FER1L6: variants seen among roughly 807,000 people sequenced by gnomAD.
FER1L6 encodes fer-1 like family member 6.
A neutral mutation model predicts 219.2 loss-of-function variants in FER1L6; 177 were observed. The ratio of observed to expected loss-of-function variants is 0.81; its 90% CI spans 0.71 to 0.91. FER1L6 has a LOEUF of 0.91. Ranked by LOEUF, FER1L6 falls within the 40% of genes least tolerant of loss-of-function variation. The probability of loss-of-function intolerance (pLI) is 0.00; values close to 1 mark genes in which losing one functional copy is unlikely to be tolerated. For missense variants in FER1L6, 2,153 were observed against 2,259.9 expected, an observed-to-expected ratio of 0.95 and a Z score of 0.96; for synonymous variants, 768 against 824.3, an observed-to-expected ratio of 0.93 and a Z score of 1.17.
chr8:124,089,073 G>T (rs1410820231), intron 33 of FER1L6, among the ~76,000 whole-genome samples: 4 of 152,166 alleles, frequency 2.6e-5, no homozygotes, highest in Non-Finnish European at 5.9e-5. Flanking sequence ...ATTTGCACAG[G>T]AATTTCAGTC....
rs1473372542 is a variant in FER1L6, at chr8:123,852,467, CATGCGTGT to C, written c.-8+283_-8+290del. The stretch of plus-strand genomic sequence containing the variant: ...TGTTGCTTGAACTCCATGTTGTGAG[CATGCGTGT>C]GTGTGTGTGTGTGTGTGTGTGTGTG... On this transcript the variant is annotated intron_variant, in intron 1 of 40. Transcript: ENST00000522917. The surrounding 1 kb of genome is among the most constrained non-coding windows in gnomAD (Gnocchi z 4.9). Among the ~76,000 whole-genome samples, 416 of 115,888 alleles carry C rather than the reference CATGCGTGT, an allele frequency of 3.6e-3. 1 individual carries two copies. The highest frequency in any genetic ancestry group is 0.014 in the African/African-American group (408 of 28,556). 76.0% of individuals were successfully genotyped at this position (115,888 alleles called of 152,430 possible).
In FER1L6 at chr8:123,980,638, T is replaced by C. The variant is rs772158690; in HGVS notation, c.1237T>C (p.Ser413Pro). The C allele has an allele frequency of 2.5e-6, 4 of 1,613,958 alleles. No homozygotes were observed. Among genetic ancestry groups the C allele is most frequent in the Admixed American group, 1.7e-5 (1 of 59,984 alleles). The change falls in exon 11 of 41, where the codon TCT (serine) becomes CCT (proline). Residue 413 changes from serine (S) to proline (P), a missense_variant. Physicochemically the swap from Ser to Pro is moderately conservative, Grantham distance 74. Coordinates refer to ENST00000522917, the MANE Select transcript of FER1L6 (RefSeq NM_001039112.2). ...VEILSGRAQE[S>P]KFSKALKELK... Reference sequence around the variant, plus strand: ...AATCCTCTCAGGACGGGCACAGGAATCTAAATTTTCCAAGGCCCTGAAGGA... The same window carrying C: ...AATCCTCTCAGGACGGGCACAGGAACCTAAATTTTCCAAGGCCCTGAAGGA...
chr8:124,065,065 G>C (rs1409589889), intron 26 of FER1L6, among the ~76,000 whole-genome samples: 1 of 152,122 alleles, frequency 6.6e-6, no homozygotes, highest in Non-Finnish European at 1.5e-5. Flanking sequence ...AAATCTTGGT[G>C]TATCAATTGA....
chr8:124,091,443 G>GA lies in FER1L6; in HGVS notation c.4413dup (p.Asp1472ArgfsTer11), dbSNP rs756419209. 6.2e-6 allele frequency: 10 copies of GA among 1,613,032 alleles called. No individual in the cohort carries two copies. Among genetic ancestry groups the GA allele is most frequent in the Admixed American group, 1.7e-5 (1 of 59,944 alleles). ...TTCAGAGAAGGATACAATGCCTGGAGAGACACGTCCAAACCCACCGAAATC... is the reference window on the plus strand; with the variant it reads ...TTCAGAGAAGGATACAATGCCTGGAGAAGACACGTCCAAACCCACCGAAATC... On this transcript the variant is annotated frameshift_variant, in exon 34 of 41. Transcript: ENST00000522917. LOFTEE classifies it high-confidence loss of function.
At chr8:123,970,003 T>C (rs1457786116) in intron 5 of FER1L6, 32 bp from the exon 6 acceptor site, 2 of 1,600,458 alleles carry the variant, frequency 1.2e-6, no homozygotes, top group Non-Finnish European at 8.6e-7. Flanking sequence ...AAGTCTGGGG[T>C]TGATGACCAG....
Position 124,103,244 on chromosome 8 carries a change from A to G in FER1L6, c.5224A>G (p.Ile1742Val), listed in dbSNP as rs762962228. Residue 1742 changes from isoleucine to valine, a missense_variant, in exon 39 of 41, where the codon ATC (isoleucine) becomes GTC (valine). Transcript: ENST00000522917. ...TGAAAATGCAAGTGAGGAGACCAAG[A>G]TCTCTATATTCCAGCAAAAACGTGT... ...KFENASEETKISIFQQKRVRG... is the reference protein window; with the variant it reads ...KFENASEETKVSIFQQKRVRG... 1 of 1,614,132 alleles carries G rather than the reference A, an allele frequency of 6.2e-7. No individual in the cohort carries two copies. Among genetic ancestry groups the G allele is most frequent in the South Asian group, 1.1e-5 (1 of 91,082 alleles).
intron 1 of FER1L6, among the ~76,000 whole-genome samples, chr8:123,884,036 A>G (rs1203806546): frequency 2.0e-5 from 3 of 152,206 alleles, no homozygotes; most frequent in Non-Finnish European, 4.4e-5. Flanking sequence ...ACATACATAC[A>G]CTGGGAAAGA....
chr8:124,034,604 G>A (rs867554304), intron 18 of FER1L6, among the ~76,000 whole-genome samples: 7 of 152,214 alleles, frequency 4.6e-5, no homozygotes, highest in African/African-American at 1.7e-4. Context: ...TCAAAAGAGA[G>A]AGAGCAGAGC....
chr8:124,060,854 T>G lies in FER1L6; in HGVS notation c.3147+145T>G, dbSNP rs1057484948. On this transcript the variant is annotated intron_variant, in intron 24 of 40. Coordinates refer to ENST00000522917, the MANE Select transcript of FER1L6 (RefSeq NM_001039112.2). The stretch of plus-strand genomic sequence containing the variant: ...TTCAGAATGAGATAAAATAGACTTT[T>G]GTTGTTGTTGTTTTGTTTTGAAACG... 11 of 944,732 alleles carry G rather than the reference T, an allele frequency of 1.2e-5. No individual in the cohort carries two copies. In the African/African-American group the frequency reaches 1.8e-4, roughly 16 times the overall value. The allele number at this position is 944,732 out of a possible 1,614,324, so 58.5% of individuals were successfully genotyped here.
At position 124,040,422 on chromosome 8, in the gene FER1L6, G is replaced by A. The variant is rs191751370; in HGVS notation, c.2589+416G>A. On this transcript the variant is annotated intron_variant, in intron 20 of 40. Transcript: ENST00000522917. ...TTTTCCAGTTTTGTGGTCAAGATGC[G>A]CTAGACTTTGCACTCACCAGCTGGG... 105 of 233,390 alleles carry A rather than the reference G, an allele frequency of 4.5e-4. 1 individual carries two copies. The highest frequency in any genetic ancestry group is 1.6e-3 in the African/African-American group (70 of 45,068). The allele number at this position is 233,390 out of a possible 1,614,324, so 14.5% of individuals were successfully genotyped here.
intron 1 of FER1L6, among the ~76,000 whole-genome samples, chr8:123,948,054 A>G (rs755825456): frequency 7.2e-5 from 11 of 152,224 alleles, no homozygotes; most frequent in Non-Finnish European, 1.5e-4. Flanking sequence ...GAGAACCCTA[A>G]GAGACATTCA....
chr8:124,063,550 A>C (rs957388760), intron 25 of FER1L6, among the ~76,000 whole-genome samples: 26 of 152,156 alleles, frequency 1.7e-4, no homozygotes, highest in African/African-American at 6.3e-4. Flanking sequence ...TCGTTTTCCC[A>C]ATGATTTGTA....
intron 18 of FER1L6, among the ~76,000 whole-genome samples, chr8:124,028,380 T>A (rs981964933): frequency 6.6e-6 from 1 of 152,214 alleles, no homozygotes; most frequent in Non-Finnish European, 1.5e-5. Flanking sequence ...CACTCCTGAC[T>A]TTAAGTCCCC....
intron 1 of FER1L6, among the ~76,000 whole-genome samples, chr8:123,899,298 A>G (rs1812817919): frequency 6.6e-6 from 1 of 151,934 alleles, no homozygotes; most frequent in African/African-American, 2.4e-5. Flanking sequence ...CCATTTGTAT[A>G]TCTTTTTTTG....
chr8:123,998,555 T>C lies in FER1L6; in HGVS notation c.1520-4612T>C, dbSNP rs543781441. Among the ~76,000 whole-genome samples, 214 of 152,152 alleles carry C rather than the reference T, an allele frequency of 1.4e-3. 1 individual carries two copies. The highest frequency in any genetic ancestry group is 2.7e-3 in the Admixed American group (42 of 15,284). On this transcript the variant is annotated intron_variant, in intron 12 of 40. Transcript: ENST00000522917. ...CTCGCCTAAGGCCCATGATGACCAC[T>C]GTCTGGCTACTGCCTGTGTTCAGTC...
At chr8:123,932,627 G>C (rs1813816795) in intron 1 of FER1L6, among the ~76,000 whole-genome samples, 2 of 152,158 alleles carry the variant, frequency 1.3e-5, no homozygotes, top group Non-Finnish European at 2.9e-5. Context: ...GTAATGGTGG[G>C]GGGAGGACTG....
chr8:123,894,081 T>G (rs1274898597), intron 1 of FER1L6, among the ~76,000 whole-genome samples: 3 of 152,140 alleles, frequency 2.0e-5, no homozygotes, highest in Admixed American at 2.0e-4. Flanking sequence ...TGGACAGTTT[T>G]TTTCTGATAA....
chr8:124,073,394 A>G (rs1470635619), intron 31 of FER1L6, among the ~76,000 whole-genome samples: 1 of 152,190 alleles, frequency 6.6e-6, no homozygotes, highest in Non-Finnish European at 1.5e-5. Context: ...TAAATTCACT[A>G]CAGTTATGGA....
rs576255432 is a variant in FER1L6, at chr8:124,045,767, A to G, written c.2590A>G (p.Ile864Val). 1.2e-6 allele frequency: 2 copies of G among 1,614,000 alleles called. No individual in the cohort carries two copies. The highest frequency in any genetic ancestry group is 1.3e-5 in the African/African-American group (1 of 75,028). Residue 864 changes from isoleucine to valine, a missense_variant and splice_region_variant, in exon 21 of 41, where the codon ATA becomes GTA. Transcript: ENST00000522917. ...GCTTTTCTTTGGTCCCTGCTTCCAG[A>G]TAATCTCCCAGACCCTCTCTCCGAC... ...TFLSHCQTTKIISQTLSPTWN... is the reference protein window; with the variant it reads ...TFLSHCQTTKVISQTLSPTWN...
Sources: gnomAD v4.1 joint callset for allele counts (sites outside exome capture counted in the v4.1 genomes callset) on GRCh38, gnomAD v4.1.1 for gene constraint, Gnocchi (gnomAD v3.1) non-coding constraint, MANE v1.5 for transcripts, NCBI Gene and HGNC (gene_info 2026-07-23, HGNC 2026-07-21) for gene names.